Variants in HIF3A observed in about 807,000 individuals in gnomAD.
The protein encoded by HIF3A is hypoxia-inducible factor 3-alpha.
In HIF3A, 41 loss-of-function variants were observed where a neutral mutation model predicts 67.2. The ratio of observed to expected loss-of-function variants is 0.61; its 90% confidence interval spans 0.48 to 0.79. The LOEUF is 0.79. HIF3A is among the 30% of genes least tolerant of loss of function. The pLI is 0.00. For synonymous variants in HIF3A, 356 were observed against 374.8 expected, an observed-to-expected ratio of 0.95 and a Z score of 0.58; for missense variants, 855 against 898.0, an observed-to-expected ratio of 0.95 and a Z score of 0.61.
intron 8 of HIF3A, chr19:46,313,284 C>T: frequency 1.0e-6 from 1 of 977,324 alleles, no homozygotes; most frequent in Non-Finnish European, 1.2e-6. Context: ...CAAAAGGACT[C>T]TATATTCAAG....
intron 8 of HIF3A, among the ~76,000 whole-genome samples, chr19:46,313,664 ATTTT>A (rs34143893): frequency 7.7e-6 from 1 of 130,608 alleles, no homozygotes; most frequent in African/African-American, 2.9e-5. Flanking sequence ...AATTACCACG[ATTTT>A]TTTTTTTTTT....
At position 46,331,244 on chromosome 19, in the gene HIF3A, G is replaced by A. The variant is rs199748157; in HGVS notation, c.1801G>A (p.Glu601Lys). Residue 601 changes from glutamate to lysine, a missense_variant, in exon 13 of 15, where the codon GAA becomes AAA. Transcript: ENST00000377670. Reference protein sequence around the residue: ...PPKRSPSPEHENFLLFPLSLS... With the variant: ...PPKRSPSPEHKNFLLFPLSLS... Reference sequence around the variant, plus strand: ...CAAAAGGTCCCCCAGCCCAGAACACGAAAACTTTCTGCTCTTTCCTCTCAG... The same window carrying A: ...CAAAAGGTCCCCCAGCCCAGAACACAAAAACTTTCTGCTCTTTCCTCTCAG... The A allele has an allele frequency of 2.0e-5, 32 of 1,613,806 alleles. No individual in the cohort carries two copies. Among genetic ancestry groups the A allele is most frequent in the Admixed American group, 5.0e-5 (3 of 59,976 alleles).
rs777292045 is a variant in HIF3A at position 46,308,787 on chromosome 19, C to G, written c.561+12C>G. 6.4e-7 allele frequency: 1 copy of G among 1,558,994 alleles called. No individual in the cohort carries two copies. Among genetic ancestry groups the G allele is most frequent in the Non-Finnish European group, 8.8e-7 (1 of 1,140,364 alleles). ...CGGCCACCTGGAAGGTGCGTGGGGC[C>G]GGGCCAGAGGAGGGCGGGGACGCTG... is the stretch of plus-strand genomic sequence containing the variant. On this transcript the variant is annotated intron_variant, in intron 5 of 14. Transcript: ENST00000377670.
At chr19:46,331,556 G>A (rs2147288594) in intron 13 of HIF3A, 1 of 189,234 alleles carries the variant, frequency 5.3e-6, no homozygotes, top group African/African-American at 2.6e-5. Context: ...GCAAATACAT[G>A]TAAGATGGCA....
At position 46,336,013 on chromosome 19, in the gene HIF3A, C is replaced by T. The variant is rs538377997; in HGVS notation, c.1912+1027C>T. ...CTGTGACTGCACCACTGTACTCCAA[C>T]CTGCGTGACAGGGCGAGATCCTGTC... On this transcript the variant is annotated intron_variant, in intron 14 of 14. Coordinates refer to ENST00000377670, the MANE Select transcript of HIF3A (RefSeq NM_152795.4). 2.6e-5 allele frequency among the ~76,000 whole-genome samples: 4 copies of T among 151,880 alleles called. No homozygotes were observed. In the South Asian group the frequency reaches 6.3e-4, roughly 24 times the overall value.
intron 3 of HIF3A, among the ~76,000 whole-genome samples, chr19:46,307,430 C>A (rs140025223): frequency 0.013 from 1,992 of 150,190 alleles, 43 homozygotes; most frequent in African/African-American, 0.048. Flanking sequence ...GGTGAGACCC[C>A]CATTTCTACA....
chr19:46,313,659 C>A (rs1030865798), intron 8 of HIF3A, among the ~76,000 whole-genome samples: 2 of 130,190 alleles, frequency 1.5e-5, no homozygotes, highest in Admixed American at 9.3e-5. Context: ...TACACAATTA[C>A]CACGATTTTT....
rs1967966071 is a variant in HIF3A, at chr19:46,297,650, C to T, written c.26+548C>T. On this transcript the variant is annotated intron_variant, in intron 1 of 14. Transcript: ENST00000377670. This position sits in a 1 kb window ranked among gnomAD's most constrained non-coding sequence, Gnocchi z 4.5. ...TCTCCTCTAATAGTATGCTTCCTGA[C>T]ACAGTCTCCTAAACATTGGGTTTCC... Among the ~76,000 whole-genome samples, 1 of 151,950 alleles carries T rather than the reference C, an allele frequency of 6.6e-6. No homozygotes were observed. Among genetic ancestry groups the T allele is most frequent in the African/African-American group, 2.4e-5 (1 of 41,280 alleles).
chr19:46,320,225 G>A, intron 8 of HIF3A: 1 of 496,590 alleles, frequency 2.0e-6, no homozygotes, highest in Non-Finnish European at 3.6e-6. Flanking sequence ...GTGAGACCTT[G>A]TCTTAAAAAA....
At position 46,334,981 on chromosome 19, in the gene HIF3A, C is replaced by T. The variant is rs1971502471; in HGVS notation, c.1907C>T (p.Pro636Leu). 1 of 1,603,170 alleles carries T rather than the reference C, an allele frequency of 6.2e-7. No homozygotes were observed. Among genetic ancestry groups the T allele is most frequent in the Non-Finnish European group, 8.5e-7 (1 of 1,174,684 alleles). The change falls in exon 14 of 15, where the codon CCC becomes CTC. Residue 636 changes from proline to leucine, a missense_variant. By Grantham distance (98) the Pro-to-Leu change is moderately conservative. Around this residue, in one of 3 missense-constraint regions of HIF3A, gnomAD observed 199 missense variants for 193.8 expected, o/e 1.03. Coordinates refer to ENST00000377670, the MANE Select transcript of HIF3A (RefSeq NM_152795.4). ...ACCCCACTCCTGAACCTGAATGAGC[C>T]CCTGGGTGAGTAGCAACCTGGGTAT... is the stretch of plus-strand genomic sequence containing the variant. ...PSTPLLNLNEPLGLGPSLLSP... is the reference protein window; with the variant it reads ...PSTPLLNLNELLGLGPSLLSP...
chr19:46,334,814 C>A, intron 13 of HIF3A, 91 bp from the exon 14 acceptor site: 1 of 1,074,928 alleles, frequency 9.3e-7, no homozygotes, highest in Admixed American at 1.9e-5. Context: ...CCTCAGCCCC[C>A]GAAAGTGCTG....
chr19:46,320,190 A>C (rs1007238105), intron 8 of HIF3A: 2 of 366,216 alleles, frequency 5.5e-6, no homozygotes, highest in East Asian at 1.2e-4. Context: ...AGATCGCGCC[A>C]CTGCACTCCA....
intron 8 of HIF3A, among the ~76,000 whole-genome samples, chr19:46,316,525 G>A (rs79482992): frequency 7.2e-5 from 11 of 151,980 alleles, no homozygotes; most frequent in South Asian, 2.1e-4. Context: ...CTTTTCGGTC[G>A]TGCGCAGTGG....
intron 3 of HIF3A, 33 bp downstream of exon 3, chr19:46,305,423 T>C: frequency 6.2e-7 from 1 of 1,605,158 alleles, no homozygotes. Context: ...TGCCTGGCCC[T>C]GTACTGGTGA....
At chr19:46,303,185 C>T (rs1276758111) in intron 1 of HIF3A, among the ~76,000 whole-genome samples, 2 of 152,104 alleles carry the variant, frequency 1.3e-5, no homozygotes, top group Non-Finnish European at 2.9e-5. Context: ...CTGGGAGTGA[C>T]AAAATAGTAA....
At position 46,312,669 on chromosome 19, in the gene HIF3A, G is replaced by A. The variant is rs1242344659; in HGVS notation, c.1025+16G>A. ...TTTTAATCAGGTAAGCAGGAGGAGG[G>A]GCTGGGGTGGCTGTGTGTGGGCCTG... On this transcript the variant is annotated intron_variant, in intron 8 of 14. Coordinates refer to ENST00000377670, the MANE Select transcript of HIF3A (RefSeq NM_152795.4). The A allele has an allele frequency of 6.5e-7, 1 of 1,541,168 alleles. No homozygotes were observed.
At chr19:46,331,597 T>C (rs1195664873) in intron 13 of HIF3A, 2 of 169,070 alleles carry the variant, frequency 1.2e-5, no homozygotes, top group African/African-American at 4.9e-5. Flanking sequence ...TGCTCACGCA[T>C]GTGATCCCAA....
At chr19:46,322,930 G>T (rs1167104734) in intron 10 of HIF3A, among the ~76,000 whole-genome samples, 1 of 152,186 alleles carries the variant, frequency 6.6e-6, no homozygotes, top group Non-Finnish European at 1.5e-5. Context: ...ACCTCCATGG[G>T]TCAGCTATCT....
At chr19:46,331,857 A>G (rs947413994) in intron 13 of HIF3A, among the ~76,000 whole-genome samples, 1 of 147,794 alleles carries the variant, frequency 6.8e-6, no homozygotes, top group Non-Finnish European at 1.5e-5. Flanking sequence ...CTCCGTCTCA[A>G]AAAAAAAAAA....
Sources: gnomAD v4.1 joint callset for allele counts (sites outside exome capture counted in the v4.1 genomes callset) on GRCh38, gnomAD v4.1.1 for gene constraint, gnomAD v4.1.1 regional missense constraint, Gnocchi (gnomAD v3.1) non-coding constraint, MANE v1.5 for transcripts, NCBI Gene and HGNC (gene_info 2026-07-23, HGNC 2026-07-21) for gene names.